BMPR1B: variants seen among roughly 807,000 people sequenced by gnomAD.
The protein encoded by BMPR1B is bone morphogenetic protein receptor type 1B.
In BMPR1B, 12 loss-of-function variants were observed where a neutral mutation model predicts 59.1. The ratio of observed to expected loss-of-function variants is 0.20; its 90% CI spans 0.13 to 0.33. The LOEUF (loss-of-function observed/expected upper bound fraction) is 0.33, where lower values mean the gene tolerates loss of function less well. Among genes scored for constraint, BMPR1B ranks in the 10% least tolerant of loss-of-function variants. The pLI is 1.00. For missense variants in BMPR1B, 550 were observed against 610.9 expected, an observed-to-expected ratio of 0.90 and a Z score of 1.05; for synonymous variants, 237 against 207.3, an observed-to-expected ratio of 1.14 and a Z score of -1.23.
intron 3 of BMPR1B, among the ~76,000 whole-genome samples, chr4:95,085,766 T>G (rs1250953846): frequency 6.6e-6 from 1 of 152,166 alleles, no homozygotes; most frequent in African/African-American, 2.4e-5. Context: ...TGCATTAGCT[T>G]TTTCTGGGGC....
chr4:95,152,647 A>G lies in BMPR1B; in HGVS notation c.1257A>G (p.Ile419Met). The stretch of plus-strand genomic sequence containing the variant: ...ATAGTAACAACATATTTTTAGGTAT[A>G]GTGGAAGAATACCAGCTTCCTTATC... ...EVARRCVSGG[I>M]VEEYQLPYHD... The change falls in exon 12 of 13, where the codon ATA becomes ATG. Residue 419 changes from isoleucine (I) to methionine (M), a missense_variant. By Grantham distance (10) the Ile-to-Met change is conservative (BLOSUM62 1). Transcript: ENST00000515059. 1 of 1,544,384 alleles carries G rather than the reference A, an allele frequency of 6.5e-7. No individual in the cohort carries two copies. The highest frequency in any genetic ancestry group is 8.8e-7 in the Non-Finnish European group (1 of 1,140,262).
Position 94,779,843 on chromosome 4 carries a change from GA to G in BMPR1B, c.-183+21785del, listed in dbSNP as rs1252695576. Among the ~76,000 whole-genome samples, 745 of 143,952 alleles carry G rather than the reference GA, an allele frequency of 5.2e-3. 8 individuals are homozygous for G. Among genetic ancestry groups the G allele is most frequent in the African/African-American group, 0.018 (706 of 39,268 alleles). The allele number at this position is 143,952 out of a possible 152,430, so 94.4% of individuals were successfully genotyped here. On this transcript the variant is annotated intron_variant, in intron 1 of 12. Transcript: ENST00000515059. ...TGAGACTCCATCTTAAAAAACATTA[GA>G]AAAAAAAAAGGATGTTCTCTTATAT...
At chr4:94,813,076 A>T (rs1723880155) in intron 1 of BMPR1B, among the ~76,000 whole-genome samples, 1 of 152,030 alleles carries the variant, frequency 6.6e-6, no homozygotes, top group Admixed American at 6.6e-5. Context: ...TTTATTAATT[A>T]AGCAAATATT....
chr4:95,062,579 A>G (rs527394952), intron 3 of BMPR1B, among the ~76,000 whole-genome samples: 7 of 152,284 alleles, frequency 4.6e-5, no homozygotes, highest in South Asian at 4.1e-4. Flanking sequence ...ATTACATGCA[A>G]AATACCCTAA....
chr4:95,141,854 G>A (rs1439367288), intron 10 of BMPR1B, among the ~76,000 whole-genome samples: 2 of 152,172 alleles, frequency 1.3e-5, no homozygotes, highest in East Asian at 3.9e-4. Flanking sequence ...ATGTCCAGTG[G>A]ATGATTGAGA....
intron 3 of BMPR1B, among the ~76,000 whole-genome samples, chr4:95,049,623 T>C (rs1294207739): frequency 2.0e-5 from 3 of 151,676 alleles, no homozygotes; most frequent in African/African-American, 7.3e-5. Flanking sequence ...GAAAATTCAT[T>C]TCTACCTGTA....
intron 2 of BMPR1B, among the ~76,000 whole-genome samples, chr4:94,919,144 G>A (rs1002636305): frequency 6.6e-6 from 1 of 152,054 alleles, no homozygotes; most frequent in Admixed American, 6.6e-5. Flanking sequence ...TTTCAACATG[G>A]CTGTACCTTT....
At chr4:94,813,728 A>T (rs1422601080) in intron 1 of BMPR1B, among the ~76,000 whole-genome samples, 27 of 152,194 alleles carry the variant, frequency 1.8e-4, no homozygotes, top group Admixed American at 1.7e-3. Flanking sequence ...AGGCTATCTC[A>T]GTAGTCCAGT....
intron 10 of BMPR1B, among the ~76,000 whole-genome samples, chr4:95,147,161 A>C (rs1222410373): frequency 6.6e-6 from 1 of 152,166 alleles, no homozygotes; most frequent in Admixed American, 6.5e-5. Context: ...CGAGGGGCCT[A>C]ATGAGTACAC....
chr4:94,759,014 C>T (rs1721651106), intron 1 of BMPR1B, among the ~76,000 whole-genome samples: 1 of 152,210 alleles, frequency 6.6e-6, no homozygotes, highest in Non-Finnish European at 1.5e-5. Flanking sequence ...GCTCGTCCCT[C>T]TTTCTGTCCA....
intron 2 of BMPR1B, among the ~76,000 whole-genome samples, chr4:94,964,614 A>C (rs1446581159): frequency 6.6e-6 from 1 of 152,190 alleles, no homozygotes; most frequent in African/African-American, 2.4e-5. Context: ...AATATATAAA[A>C]TGGATTAAAG....
intron 2 of BMPR1B, among the ~76,000 whole-genome samples, chr4:94,988,381 TTCA>T (rs1721539289): frequency 6.6e-6 from 1 of 152,154 alleles, no homozygotes; most frequent in Non-Finnish European, 1.5e-5. Flanking sequence ...CTTTTCATTC[TTCA>T]TTATTACCTT....
intron 1 of BMPR1B, among the ~76,000 whole-genome samples, chr4:94,852,676 G>A (rs1318593681): frequency 6.6e-6 from 1 of 151,980 alleles, no homozygotes; most frequent in Non-Finnish European, 1.5e-5. Flanking sequence ...TGCATTCCAT[G>A]TAACTTATCT....
intron 3 of BMPR1B, among the ~76,000 whole-genome samples, chr4:95,003,548 A>C (rs1187246789): frequency 6.6e-6 from 1 of 152,168 alleles, no homozygotes; most frequent in Non-Finnish European, 1.5e-5. Flanking sequence ...AAGCCAGACC[A>C]AATAATATAA....
In BMPR1B at chr4:95,095,636, A is replaced by T. The variant is rs563073501; in HGVS notation, c.-17-8772A>T. Among the ~76,000 whole-genome samples, 5 of 152,272 alleles carry T rather than the reference A, an allele frequency of 3.3e-5. No homozygotes were observed. The East Asian group carries it at 9.6e-4, about 29-fold the overall frequency. On this transcript the variant is annotated intron_variant, in intron 3 of 12. Coordinates refer to ENST00000515059, the MANE Select transcript of BMPR1B (RefSeq NM_001203.3). The stretch of plus-strand genomic sequence containing the variant: ...TTCAAAGAGTTTAAAAATGAAAAAG[A>T]TAAAGGAAGATAGATTATTAGTAGA...
chr4:94,979,342 T>C (rs1731151175), intron 2 of BMPR1B, among the ~76,000 whole-genome samples: 1 of 152,222 alleles, frequency 6.6e-6, no homozygotes, highest in African/African-American at 2.4e-5. Flanking sequence ...GAATCTTTTA[T>C]GTTAAAAAAA....
chr4:95,152,884 G>A, intron 12 of BMPR1B, 111 bp downstream of exon 12: 1 of 1,340,824 alleles, frequency 7.5e-7, no homozygotes, highest in Non-Finnish European at 1.0e-6. Context: ...TGATGGTGAT[G>A]GTGATGGCGC....
chr4:95,081,304 T>C (rs1427237652), intron 3 of BMPR1B, among the ~76,000 whole-genome samples: 1 of 151,946 alleles, frequency 6.6e-6, no homozygotes, highest in Non-Finnish European at 1.5e-5. Flanking sequence ...AACGGACTAC[T>C]ACAGGTGTCT....
intron 1 of BMPR1B, among the ~76,000 whole-genome samples, chr4:94,808,948 G>A (rs1723714439): frequency 6.6e-6 from 1 of 152,062 alleles, no homozygotes; most frequent in South Asian, 2.1e-4. Flanking sequence ...CCAGCTACTT[G>A]GGAGGCTGAG....
Sources: allele counts gnomAD v4.1 joint callset (sites outside exome capture counted in the v4.1 genomes callset), GRCh38; gene constraint gnomAD v4.1.1; transcripts MANE v1.5; gene names NCBI Gene and HGNC (gene_info 2026-07-23, HGNC 2026-07-21).